Variants in NACA observed in about 807,000 individuals in gnomAD.
NACA encodes the protein nascent polypeptide-associated complex subunit alpha.
A neutral mutation model predicts 86.4 loss-of-function variants in NACA; 42 were observed. The ratio of observed to expected loss-of-function variants is 0.49; its 90% CI spans 0.38 to 0.63. The LOEUF is 0.63. NACA is among the 20% of genes least tolerant of loss of function. The pLI is 0.00. For synonymous variants in NACA, 898 were observed against 973.7 expected, an observed-to-expected ratio of 0.92 and a Z score of 1.45; for missense variants, 2,157 against 2,483.6, an observed-to-expected ratio of 0.87 and a Z score of 2.80.
At chr12:56,713,419 C>G in intron 6 of NACA, 118 bp downstream of exon 6, 1 of 1,404,904 alleles carries the variant, frequency 7.1e-7, no homozygotes, top group Non-Finnish European at 9.7e-7. Context: ...TTTGGGTAAT[C>G]AAAACTGGAT....
chr12:56,715,858 C>A lies in NACA; in HGVS notation c.5659+13G>T, dbSNP rs762971611. ...ACAGACACACCATGCACACGGCAAA[C>A]CAAGGCAAATACCCTTGTTGTTCTT... On this transcript the variant is annotated intron_variant, in intron 3 of 8. Transcript: ENST00000454682. The A allele has an allele frequency of 6.6e-7, 1 of 1,508,002 alleles. No homozygotes were observed. The highest frequency in any genetic ancestry group is 2.3e-5 in the East Asian group (1 of 43,908). The allele number at this position is 1,508,002 out of a possible 1,614,324, so 93.4% of individuals were successfully genotyped here.
At position 56,719,028 on chromosome 12, in the gene NACA, T is replaced by C. The variant is rs1006264369; in HGVS notation, c.2502A>G (p.Ser834=). The change falls in exon 3 of 9, where the codon TCA becomes TCG. Residue 834 remains serine, a synonymous_variant. Transcript: ENST00000454682. ...LSSPVSPVEA[S]FLPENSLSFQ... ...AAGAAAGACTATTCTCTGGAAGAAA[T>C]GAAGCTTCAACTGGAGAAACAGGGG... 1.4e-6 allele frequency: 2 copies of C among 1,447,710 alleles called. No individual in the cohort carries two copies. Among genetic ancestry groups the C allele is most frequent in the Non-Finnish European group, 1.9e-6 (2 of 1,071,600 alleles). The allele number at this position is 1,447,710 out of a possible 1,614,324, so 89.7% of individuals were successfully genotyped here. A position where few individuals can be genotyped will look rare whatever the true frequency, so the allele number is the denominator to read the frequency against.
rs1555225374 is a variant in NACA, at chr12:56,717,611, T to TG, written c.3918dup (p.Lys1307GlnfsTer38). The TG allele has an allele frequency of 8.1e-7, 1 of 1,229,286 alleles. No individual in the cohort carries two copies. Among genetic ancestry groups the TG allele is most frequent in the Non-Finnish European group, 1.0e-6 (1 of 965,042 alleles). 76.1% of individuals were successfully genotyped at this position (1,229,286 alleles called of 1,614,324 possible). ...GCAGCTGGAGGAGTGGGGGCCCCTTTGGGGGGTGAGGTAGCTGGGCCTCCT... is the reference window on the plus strand; with the variant it reads ...GCAGCTGGAGGAGTGGGGGCCCCTTTGGGGGGGTGAGGTAGCTGGGCCTCCT... On this transcript the variant is annotated frameshift_variant, in exon 3 of 9. Transcript: ENST00000454682. LOFTEE classifies it high-confidence loss of function.
Position 56,721,395 on chromosome 12 carries a change from G to C in NACA, c.135C>G (p.Leu45=). The change falls in exon 3 of 9, where the codon CTC becomes CTG. Residue 45 remains leucine, a synonymous_variant. Coordinates refer to ENST00000454682, the MANE Select transcript of NACA (RefSeq NM_001365896.1). The part of the protein sequence containing the change: ...TAALGQPGPT[L]PPPCSPAPQQ... ...GTGGGGCAGGAGAGCAAGGAGGGGG[G>C]AGGGTAGGTCCAGGCTGCCCTAAGG... 1 of 1,568,932 alleles carries C rather than the reference G, an allele frequency of 6.4e-7. No homozygotes were observed. The highest frequency in any genetic ancestry group is 8.6e-7 in the Non-Finnish European group (1 of 1,161,548).
At chr12:56,715,228 A>G (rs1414189252) in intron 3 of NACA, among the ~76,000 whole-genome samples, 1 of 152,200 alleles carries the variant, frequency 6.6e-6, no homozygotes, top group Non-Finnish European at 1.5e-5. Context: ...AATGTGATCT[A>G]ATCAATATAA....
chr12:56,719,358 T>A lies in NACA; in HGVS notation c.2172A>T (p.Leu724Phe). Residue 724 changes from leucine (L) to phenylalanine (F), a missense_variant, in exon 3 of 9, where the codon TTA becomes TTT. By Grantham distance (22) the Leu-to-Phe change is conservative (BLOSUM62 0). Transcript: ENST00000454682. ...ACTTTGGGATTTCAGGGGCCAGCACTAAGGTAGCCAGAGGAGCACAGGTAT... is the reference window on the plus strand; with the variant it reads ...ACTTTGGGATTTCAGGGGCCAGCACAAAGGTAGCCAGAGGAGCACAGGTAT... ...PQNTCAPLAT[L>F]VLAPEIPKSV... The A allele has an allele frequency of 6.2e-7, 1 of 1,609,752 alleles. No individual in the cohort carries two copies. The highest frequency in any genetic ancestry group is 2.2e-5 in the East Asian group (1 of 44,770).
chr12:56,724,443 G>C lies in NACA; in HGVS notation c.70+9C>G. 1 of 1,607,170 alleles carries C rather than the reference G, an allele frequency of 6.2e-7. No individual in the cohort carries two copies. The highest frequency in any genetic ancestry group is 8.5e-7 in the Non-Finnish European group (1 of 1,176,836). ...TTTAATTAATGGCAAGGAGGGTAGG[G>C]AAACCTACCTGTCTCAGCCTGGGGC... is the stretch of plus-strand genomic sequence containing the variant. On this transcript the variant is annotated intron_variant, in intron 2 of 8. Coordinates refer to ENST00000454682, the MANE Select transcript of NACA (RefSeq NM_001365896.1).
chr12:56,713,375 T>C (rs1430724091), intron 6 of NACA, 162 bp downstream of exon 6: 1 of 1,199,346 alleles, frequency 8.3e-7, no homozygotes, highest in East Asian at 2.5e-5. Context: ...TAGGGGGTAG[T>C]TAGGTCTCCC....
intron 7 of NACA, 53 bp from the exon 8 acceptor site, chr12:56,712,961 A>C (rs556518624): frequency 6.1e-5 from 98 of 1,612,524 alleles, no homozygotes; most frequent in Non-Finnish European, 8.1e-5. Flanking sequence ...CAATTTCAGC[A>C]GTTCTTTGGA....
At chr12:56,725,013 C>A (rs1953676755) in intron 1 of NACA, 1 of 154,776 alleles carries the variant, frequency 6.5e-6, no homozygotes, top group South Asian at 1.8e-4. Context: ...ACTCCTCTTC[C>A]GCCCTCAACA....
Position 56,716,586 on chromosome 12 carries a change from T to C in NACA, c.4944A>G (p.Lys1648=). ...CAGAAGCTGGGGAAGTAGGGGAGTC[T>C]TTGAGGGAGGAAGGAGTCACAGGTG... ...TSPPVTPSSL[K]DSPTSPASVT... Residue 1648 remains lysine, a synonymous_variant, in exon 3 of 9, where the codon AAA becomes AAG. Transcript: ENST00000454682. 2.8e-6 allele frequency: 4 copies of C among 1,454,454 alleles called. No individual in the cohort carries two copies. The African/African-American group carries it at 5.6e-5, about 20-fold the overall frequency. 90.1% of individuals were successfully genotyped at this position (1,454,454 alleles called of 1,614,324 possible). A position where few individuals can be genotyped will look rare whatever the true frequency, so the allele number is the denominator to read the frequency against.
Position 56,719,309 on chromosome 12 carries a change from G to T in NACA, c.2221C>A (p.Pro741Thr). ...PKSVPSPSLP[P>T]AGTPPGTKKV... is the part of the protein sequence containing the mutation. ...TTTGTACCTGGAGGAGTCCCAGCTG[G>T]GGGAAGAGAGGGTGAGGGCACAGAC... Residue 741 changes from proline (P) to threonine (T), a missense_variant, in exon 3 of 9, where the codon CCA becomes ACA. Pro to Thr is a conservative substitution (Grantham distance 38). This residue lies in a region of NACA where 947 missense variants were observed against 917.9 expected (regional missense o/e 1.03). Transcript: ENST00000454682. The T allele has an allele frequency of 6.2e-7, 1 of 1,601,946 alleles. No homozygotes were observed. Among genetic ancestry groups the T allele is most frequent in the Non-Finnish European group, 8.5e-7 (1 of 1,172,816 alleles).
Position 56,716,995 on chromosome 12 carries a change from GA to G in NACA, c.4534del (p.Ser1512ProfsTer31), listed in dbSNP as rs1219259111. On this transcript the variant is annotated frameshift_variant, in exon 3 of 9. Transcript: ENST00000454682. LOFTEE classifies it high-confidence loss of function. ...APTLPAVIPSSPKEVPATPSS... is the reference protein window; with the variant it reads ...APTLPAVIPSXPKEVPATPSS... ...TGGGGTAGCTGGGACCTCTTTGGGG[GA>G]AGAAGGAATCACAGCTGGCAGAGTG... 7.8e-7 allele frequency: 1 copy of G among 1,285,680 alleles called. No homozygotes were observed. The allele number at this position is 1,285,680 out of a possible 1,614,324, so 79.6% of individuals were successfully genotyped here.
rs776572525 is a variant in NACA, at chr12:56,720,143, C to T, written c.1387G>A (p.Val463Ile). The T allele has an allele frequency of 6.8e-6, 11 of 1,613,770 alleles. No homozygotes were observed. The African/African-American group carries it at 1.2e-4, about 18-fold the overall frequency. Residue 463 changes from valine to isoleucine, a missense_variant, in exon 3 of 9, where the codon GTT (valine) becomes ATT (isoleucine). By Grantham distance (29) the Val-to-Ile change is conservative. Around this residue, in one of 8 missense-constraint regions of NACA, gnomAD observed 947 missense variants for 917.9 expected, o/e 1.03. Transcript: ENST00000454682. Reference sequence around the variant, plus strand: ...GGACCTGATGACATTGGAGGAGAAACACAAGTAGCTACCTCAAAGGTAGTA... The same window carrying T: ...GGACCTGATGACATTGGAGGAGAAATACAAGTAGCTACCTCAAAGGTAGTA... The part of the protein sequence containing the change: ...PTTTFEVATC[V>I]SPPMSSGPIS...
In NACA at chr12:56,716,580, G is replaced by A. The variant is rs201015074; in HGVS notation, c.4950C>T (p.Ser1650=). The change falls in exon 3 of 9, where the codon TCC becomes TCT. Residue 1650 remains serine (S), a synonymous_variant. Transcript: ENST00000454682. ...ATGTGACAGAAGCTGGGGAAGTAGGGGAGTCTTTGAGGGAGGAAGGAGTCA... is the reference window on the plus strand; with the variant it reads ...ATGTGACAGAAGCTGGGGAAGTAGGAGAGTCTTTGAGGGAGGAAGGAGTCA... ...PPVTPSSLKD[S]PTSPASVTCK... 1.4e-6 allele frequency: 2 copies of A among 1,455,650 alleles called. No homozygotes were observed. Among genetic ancestry groups the A allele is most frequent in the East Asian group, 3.0e-5 (1 of 33,608 alleles). 90.2% of individuals were successfully genotyped at this position (1,455,650 alleles called of 1,614,324 possible).
rs758842422 is a variant in NACA, at chr12:56,719,312, G to T, written c.2218C>A (p.Pro740Thr). The T allele has an allele frequency of 6.9e-6, 11 of 1,602,744 alleles. No individual in the cohort carries two copies. In the South Asian group the frequency reaches 1.2e-4, roughly 18 times the overall value. The change falls in exon 3 of 9, where the codon CCC (proline) becomes ACC (threonine). Residue 740 changes from proline (P) to threonine (T), a missense_variant. Pro to Thr is a conservative substitution (Grantham distance 38). This residue lies in a region of NACA where 947 missense variants were observed against 917.9 expected (regional missense o/e 1.03). Coordinates refer to ENST00000454682, the MANE Select transcript of NACA (RefSeq NM_001365896.1). ...IPKSVPSPSL[P>T]PAGTPPGTKK... ...GTACCTGGAGGAGTCCCAGCTGGGG[G>T]AAGAGAGGGTGAGGGCACAGACTTT...
At chr12:56,724,423 T>G (rs750306017) in intron 2 of NACA, 29 bp downstream of exon 2, 5 of 1,591,528 alleles carry the variant, frequency 3.1e-6, no homozygotes, top group Non-Finnish European at 4.3e-6. Context: ...TTAATTTTAA[T>G]TAATGGCAAG....
chr12:56,713,522 G>A lies in NACA; in HGVS notation c.5970+15C>T. 7 of 1,613,022 alleles carry A rather than the reference G, an allele frequency of 4.3e-6. No homozygotes were observed. The highest frequency in any genetic ancestry group is 1.7e-5 in the Admixed American group (1 of 59,824). Reference sequence around the variant, plus strand: ...AACCCTGGTCTGGAACAATGCCCAAGAAAAGTTTACTCACCTTGGCTTCCC... The same window carrying A: ...AACCCTGGTCTGGAACAATGCCCAAAAAAAGTTTACTCACCTTGGCTTCCC... On this transcript the variant is annotated intron_variant, in intron 6 of 8. Transcript: ENST00000454682.
In NACA at chr12:56,719,660, C is replaced by G; in HGVS notation, c.1870G>C (p.Asp624His). ...VNSSASVIKT[D>H]SYAGPDSAGP... ...GCAGAGTCTGGGCCTGCATAAGAAT[C>G]TGTCTTGATTACAGAGGCCGAGGAG... Residue 624 changes from aspartate to histidine, a missense_variant, in exon 3 of 9, where the codon GAT becomes CAT. Asp to His is a moderately conservative substitution (Grantham distance 81). This residue lies in a region of NACA where 947 missense variants were observed against 917.9 expected (regional missense o/e 1.03). Coordinates refer to ENST00000454682, the MANE Select transcript of NACA (RefSeq NM_001365896.1). 1 of 1,613,842 alleles carries G rather than the reference C, an allele frequency of 6.2e-7. No homozygotes were observed. The highest frequency in any genetic ancestry group is 8.5e-7 in the Non-Finnish European group (1 of 1,179,782).
Sources: allele counts gnomAD v4.1 joint callset (sites outside exome capture counted in the v4.1 genomes callset), GRCh38; gene constraint gnomAD v4.1.1; regional missense constraint gnomAD v4.1.1; transcripts MANE v1.5; gene names NCBI Gene and HGNC (gene_info 2026-07-23, HGNC 2026-07-21).